Variants in CALN1 observed in about 807,000 individuals in gnomAD.
CALN1 encodes calcium-binding protein 8.
A neutral mutation model predicts 30.6 loss-of-function variants in CALN1; 17 were observed. The observed-to-expected ratio is 0.56, with a 90% confidence interval of 0.38 to 0.83. CALN1 has a LOEUF of 0.83. Among genes scored for constraint, CALN1 ranks in the 40% least tolerant of loss-of-function variants. The pLI is 0.00. For synonymous variants in CALN1, 156 were observed against 131.4 expected, an observed-to-expected ratio of 1.19 and a Z score of -1.28; for missense variants, 291 against 354.9, an observed-to-expected ratio of 0.82 and a Z score of 1.45.
intron 2 of CALN1, among the ~76,000 whole-genome samples, chr7:72,294,552 C>A (rs1159616313): frequency 6.6e-6 from 1 of 151,944 alleles, no homozygotes; most frequent in Non-Finnish European, 1.5e-5. Context: ...GAGTTTGAGA[C>A]CAGCCTGGGC....
At position 71,781,876 on chromosome 7, in the gene CALN1, C is replaced by T. The variant is rs971966417; in HGVS notation, c.*5899G>A. 2 of 152,158 alleles carry T rather than the reference C, an allele frequency of 1.3e-5. No individual in the cohort carries two copies. Among genetic ancestry groups the T allele is most frequent in the Non-Finnish European group, 2.9e-5 (2 of 68,042 alleles). 9.4% of individuals were successfully genotyped at this position (152,158 alleles called of 1,614,324 possible). On this transcript the variant is annotated 3_prime_UTR_variant, in exon 7 of 7. Coordinates refer to ENST00000395275, the MANE Select transcript of CALN1 (RefSeq NM_031468.4). ...AGCTTTTCCACTTTCAGAGGACTGT[C>T]TTGTGGGTGGGACTGGAAAAACCTC... is the stretch of plus-strand genomic sequence containing the variant.
At chr7:72,393,177 T>C (rs543492233) in intron 2 of CALN1, among the ~76,000 whole-genome samples, 5 of 152,066 alleles carry the variant, frequency 3.3e-5, no homozygotes, top group Non-Finnish European at 7.4e-5. Context: ...CCTTAAAAAC[T>C]AGCACTCCGG....
intron 3 of CALN1, among the ~76,000 whole-genome samples, chr7:72,243,209 G>GCT (rs369178069): frequency 6.6e-6 from 1 of 151,906 alleles, no homozygotes; most frequent in African/African-American, 2.4e-5. Flanking sequence ...AAAGGACTGA[G>GCT]CTCTCTCTCT....
intron 3 of CALN1, among the ~76,000 whole-genome samples, chr7:72,256,466 G>T (rs1795920291): frequency 6.6e-6 from 1 of 151,700 alleles, no homozygotes; most frequent in African/African-American, 2.4e-5. Context: ...CTCTAAAAAA[G>T]AAAAAAGAAG....
intron 5 of CALN1, among the ~76,000 whole-genome samples, chr7:71,844,737 C>A (rs1392281414): frequency 6.6e-6 from 1 of 152,118 alleles, no homozygotes; most frequent in East Asian, 1.9e-4. Flanking sequence ...AATGGACTCA[C>A]CCCTGAGACA....
At chr7:72,440,694 GCT>G (rs1201133762) in intron 1 of CALN1, among the ~76,000 whole-genome samples, 26 of 152,182 alleles carry the variant, frequency 1.7e-4, no homozygotes, top group Non-Finnish European at 3.7e-4. Flanking sequence ...GGGTGTGGTG[GCT>G]TATGCCTGTA....
At chr7:71,972,856 A>G (rs960194627) in intron 5 of CALN1, among the ~76,000 whole-genome samples, 5 of 152,174 alleles carry the variant, frequency 3.3e-5, no homozygotes, top group African/African-American at 1.2e-4. Context: ...GCGTGTGGGC[A>G]GAGTGTGATC....
the CALN1 span, among the ~76,000 whole-genome samples, chr7:72,462,060 C>T: frequency 1.3e-5 from 2 of 151,748 alleles, no homozygotes; most frequent in Non-Finnish European, 2.9e-5. Flanking sequence ...TTTGGAGTTT[C>T]TTAGGACTTT....
At chr7:72,078,988 G>C (rs549915651) in intron 4 of CALN1, among the ~76,000 whole-genome samples, 1 of 152,124 alleles carries the variant, frequency 6.6e-6, no homozygotes, top group Non-Finnish European at 1.5e-5. Flanking sequence ...GAGAAAGGAA[G>C]CTGCCCGTCT....
chr7:72,389,067 G>C (rs530973154), intron 2 of CALN1, among the ~76,000 whole-genome samples: 1 of 152,166 alleles, frequency 6.6e-6, no homozygotes, highest in South Asian at 2.1e-4. Flanking sequence ...TATTGAGTGA[G>C]ACTCAGGAAA....
At chr7:71,924,362 C>G (rs1377029026) in intron 5 of CALN1, among the ~76,000 whole-genome samples, 21 of 151,898 alleles carry the variant, frequency 1.4e-4, no homozygotes, top group Non-Finnish European at 4.4e-5. Flanking sequence ...GAATATATTT[C>G]CTTGGCGAGA....
chr7:71,820,518 G>A (rs1317749362), intron 5 of CALN1, among the ~76,000 whole-genome samples: 8 of 152,122 alleles, frequency 5.3e-5, no homozygotes, highest in South Asian at 2.1e-4. Flanking sequence ...TAGCCATTCC[G>A]TTGTATGGAC....
In CALN1 at chr7:72,312,903, C is replaced by T. The variant is rs577836859; in HGVS notation, c.120-34093G>A. 6.6e-5 allele frequency among the ~76,000 whole-genome samples: 10 copies of T among 151,658 alleles called. No individual in the cohort carries two copies. The East Asian group carries it at 9.7e-4, about 15-fold the overall frequency. ...AGACTGGAGTACAGTGGTGCAATCT[C>T]GGCTCACTGCAACCTCCACCTCCCG... On this transcript the variant is annotated intron_variant, in intron 2 of 6. Coordinates refer to ENST00000395275, the MANE Select transcript of CALN1 (RefSeq NM_031468.4).
the CALN1 span, among the ~76,000 whole-genome samples, chr7:72,501,835 G>A: frequency 6.8e-6 from 1 of 146,816 alleles, no homozygotes; most frequent in Non-Finnish European, 1.5e-5. Context: ...CTTGAAACCA[G>A]GAGGTGGAAG....
intron 4 of CALN1, among the ~76,000 whole-genome samples, chr7:72,074,956 A>T (rs909760014): frequency 6.6e-6 from 1 of 152,266 alleles, no homozygotes; most frequent in African/African-American, 2.4e-5. Context: ...CTTATTAATT[A>T]AATGGTATGA....
chr7:71,989,579 A>G (rs1004867406), intron 5 of CALN1, among the ~76,000 whole-genome samples: 7 of 152,226 alleles, frequency 4.6e-5, no homozygotes, highest in African/African-American at 1.7e-4. Flanking sequence ...GAGCCACAAG[A>G]AGACAAACAG....
At chr7:72,312,396 A>G (rs1189346520) in intron 2 of CALN1, among the ~76,000 whole-genome samples, 9 of 138,952 alleles carry the variant, frequency 6.5e-5, no homozygotes, top group African/African-American at 1.6e-4. Context: ...TCATCTCAGA[A>G]AAAAAAAAAA....
chr7:72,425,478 A>G (rs1366008957), intron 1 of CALN1, among the ~76,000 whole-genome samples: 1 of 152,240 alleles, frequency 6.6e-6, no homozygotes, highest in African/African-American at 2.4e-5. Context: ...CACGCTCCCA[A>G]TAAGTGCCAT....
intron 2 of CALN1, among the ~76,000 whole-genome samples, chr7:72,369,310 TA>T (rs1362306841): frequency 3.5e-5 from 5 of 144,702 alleles, no homozygotes; most frequent in African/African-American, 1.0e-4. Flanking sequence ...TATATATTTA[TA>T]AATATTTATA....
Sources: allele counts gnomAD v4.1 joint callset (sites outside exome capture counted in the v4.1 genomes callset), GRCh38; gene constraint gnomAD v4.1.1; transcripts MANE v1.5; gene names NCBI Gene and HGNC (gene_info 2026-07-23, HGNC 2026-07-21).